The following TBC1D9 variants were observed in gnomAD, a reference collection of about 807,000 sequenced individuals.
The protein encoded by TBC1D9 is TBC1 domain family member 9A.
In TBC1D9, 63 loss-of-function variants were observed where a neutral mutation model predicts 132.0. That is an observed-to-expected ratio of 0.48 (90% CI 0.39 to 0.59). The LOEUF (loss-of-function observed/expected upper bound fraction) is 0.59. Among genes scored for constraint, TBC1D9 ranks in the 20% least tolerant of loss-of-function variants. TBC1D9 has a pLI of 0.00. For synonymous variants in TBC1D9, 610 were observed against 609.9 expected, an observed-to-expected ratio of 1.00 and a Z score of 0.00; for missense variants, 1,261 against 1,592.7, an observed-to-expected ratio of 0.79 and a Z score of 3.54.
chr4:140,643,801 C>T, intron 13 of TBC1D9: 4 of 808,928 alleles, frequency 4.9e-6, no homozygotes, highest in South Asian at 1.5e-5. Context: ...CAGCCCTGCC[C>T]GGTGGCACTC....
chr4:140,686,104 G>A (rs1208802418), intron 3 of TBC1D9, among the ~76,000 whole-genome samples: 1 of 151,938 alleles, frequency 6.6e-6, no homozygotes, highest in Non-Finnish European at 1.5e-5. Flanking sequence ...CCAGAAATAT[G>A]TAAAATATCA....
chr4:140,686,707 T>A (rs965664314), intron 2 of TBC1D9, among the ~76,000 whole-genome samples: 3 of 152,168 alleles, frequency 2.0e-5, no homozygotes, highest in African/African-American at 7.2e-5. Flanking sequence ...GTGCAGAGGC[T>A]TTGAGGACAC....
chr4:140,643,910 C>G, intron 13 of TBC1D9: 5 of 697,182 alleles, frequency 7.2e-6, no homozygotes, highest in Non-Finnish European at 1.3e-5. Context: ...ACTCCAGAGG[C>G]GGCAGCTCTG....
intron 1 of TBC1D9, among the ~76,000 whole-genome samples, chr4:140,716,873 T>C (rs1200652106): frequency 6.6e-6 from 1 of 150,904 alleles, no homozygotes; most frequent in African/African-American, 2.4e-5. Flanking sequence ...CCCACTATGC[T>C]GATTTAAAAC....
intron 6 of TBC1D9, among the ~76,000 whole-genome samples, chr4:140,674,407 A>G (rs982909172): frequency 1.3e-5 from 2 of 152,164 alleles, no homozygotes; most frequent in Non-Finnish European, 2.9e-5. Flanking sequence ...TTTATAACTT[A>G]AAGAAAATTA....
chr4:140,687,643 A>G (rs1737809700), intron 2 of TBC1D9, among the ~76,000 whole-genome samples: 1 of 151,996 alleles, frequency 6.6e-6, no homozygotes, highest in Admixed American at 6.6e-5. Context: ...AAAATCGCTG[A>G]GAGAATGAGA....
At chr4:140,643,425 A>G (rs556259730) in intron 13 of TBC1D9, 56 of 971,924 alleles carry the variant, frequency 5.8e-5, no homozygotes, top group Admixed American at 1.3e-4. Flanking sequence ...TGGGTCTTCC[A>G]GGCCGGGCAG....
chr4:140,656,400 C>T (rs937543337), intron 13 of TBC1D9, among the ~76,000 whole-genome samples: 7 of 152,064 alleles, frequency 4.6e-5, no homozygotes, highest in African/African-American at 1.7e-4. Context: ...AGCTATAAGT[C>T]TGCCCTTTTT....
intron 13 of TBC1D9, among the ~76,000 whole-genome samples, chr4:140,654,191 A>T (rs1312879430): frequency 6.6e-6 from 1 of 152,260 alleles, no homozygotes; most frequent in Non-Finnish European, 1.5e-5. Flanking sequence ...GAGAGCCTTT[A>T]TTCCTGACAC....
chr4:140,638,137 G>A (rs1736909638), intron 15 of TBC1D9, among the ~76,000 whole-genome samples: 1 of 152,128 alleles, frequency 6.6e-6, no homozygotes, highest in Non-Finnish European at 1.5e-5. Flanking sequence ...TAGTTTTTAT[G>A]TTCGTTTCTA....
intron 1 of TBC1D9, among the ~76,000 whole-genome samples, chr4:140,718,539 A>C (rs1738374731): frequency 6.6e-6 from 1 of 152,194 alleles, no homozygotes; most frequent in South Asian, 2.1e-4. Flanking sequence ...AAGCAACAAC[A>C]ATGACTGAAC....
chr4:140,645,795 A>G (rs1300240284), intron 13 of TBC1D9, among the ~76,000 whole-genome samples: 1 of 152,120 alleles, frequency 6.6e-6, no homozygotes, highest in Non-Finnish European at 1.5e-5. Flanking sequence ...TGCATCATGC[A>G]GGCTCCCTGC....
intron 2 of TBC1D9, among the ~76,000 whole-genome samples, chr4:140,687,789 T>A (rs1737811471): frequency 6.6e-6 from 1 of 152,072 alleles, no homozygotes; most frequent in Non-Finnish European, 1.5e-5. Flanking sequence ...ATGTGAAGGA[T>A]GAAAAGCAGG....
At chr4:140,753,623 T>C (rs1197448569) in intron 1 of TBC1D9, among the ~76,000 whole-genome samples, 2 of 152,242 alleles carry the variant, frequency 1.3e-5, no homozygotes, top group African/African-American at 2.4e-5. Context: ...CAAATAACCA[T>C]GCCTCTATTT....
chr4:140,626,265 T>C (rs1459172652), intron 18 of TBC1D9, among the ~76,000 whole-genome samples: 1 of 152,114 alleles, frequency 6.6e-6, no homozygotes, highest in African/African-American at 2.4e-5. Flanking sequence ...TAGGTCCTAA[T>C]TACACCCAAT....
intron 2 of TBC1D9, among the ~76,000 whole-genome samples, chr4:140,696,013 A>G (rs1737949793): frequency 6.6e-6 from 1 of 152,224 alleles, no homozygotes; most frequent in African/African-American, 2.4e-5. Context: ...TTAGCCAAAA[A>G]GAATAAAAAC....
At chr4:140,660,039 A>C (rs1219819184) in intron 10 of TBC1D9, among the ~76,000 whole-genome samples, 1 of 152,228 alleles carries the variant, frequency 6.6e-6, no homozygotes, top group Non-Finnish European at 1.5e-5. Context: ...TATTTCACAA[A>C]GCTTTTAACC....
chr4:140,665,192 T>G (rs1367745740), intron 9 of TBC1D9, among the ~76,000 whole-genome samples: 1 of 151,642 alleles, frequency 6.6e-6, no homozygotes, highest in African/African-American at 2.4e-5. Flanking sequence ...AGCATAGTAG[T>G]GTAAATCTTC....
At chr4:140,640,469 T>C (rs1736968825) in intron 13 of TBC1D9, among the ~76,000 whole-genome samples, 3 of 138,554 alleles carry the variant, frequency 2.2e-5, no homozygotes, top group Admixed American at 1.4e-4. Context: ...TAGGTGGGGG[T>C]GATTTCTAGT....
Sources: allele counts gnomAD v4.1 joint callset (sites outside exome capture counted in the v4.1 genomes callset), GRCh38; gene constraint gnomAD v4.1.1; transcripts MANE v1.5; gene names NCBI Gene and HGNC (gene_info 2026-07-23, HGNC 2026-07-21).